Variants in STXBP5L observed in about 807,000 individuals in gnomAD.
STXBP5L encodes syntaxin-binding protein 5-like.
A neutral mutation model predicts 144.5 loss-of-function variants in STXBP5L; 65 were observed. That is an observed-to-expected ratio of 0.45 (90% CI 0.37 to 0.55). The LOEUF (loss-of-function observed/expected upper bound fraction) is 0.55. Ranked by LOEUF, STXBP5L falls within the 20% of genes least tolerant of loss-of-function variation. STXBP5L has a pLI of 0.00. For missense variants in STXBP5L, 1,298 were observed against 1,405.5 expected (o/e 0.92, Z 1.22); for synonymous variants, 505 against 469.6 (o/e 1.08, Z -0.97).
intron 20 of STXBP5L, among the ~76,000 whole-genome samples, chr3:121,372,714 A>AG (rs570515283): frequency 7.4e-4 from 111 of 150,506 alleles, no homozygotes; most frequent in African/African-American, 2.6e-3. Flanking sequence ...ATCTGATAGG[A>AG]GTGTGCCAGT....
intron 5 of STXBP5L, among the ~76,000 whole-genome samples, chr3:121,113,211 CT>C (rs1220615100): frequency 1.3e-5 from 2 of 152,018 alleles, no homozygotes; most frequent in East Asian, 1.9e-4. Flanking sequence ...TTGAGGTTTG[CT>C]TTTTTTCTAC....
intron 23 of STXBP5L, among the ~76,000 whole-genome samples, chr3:121,409,269 T>C (rs2047064248): frequency 2.0e-5 from 3 of 151,818 alleles, no homozygotes; most frequent in South Asian, 2.1e-4. Context: ...GCAAAGGAGA[T>C]TGAGAAGTTA....
chr3:121,075,267 T>G (rs887582337), intron 5 of STXBP5L, among the ~76,000 whole-genome samples: 1 of 152,100 alleles, frequency 6.6e-6, no homozygotes, highest in Non-Finnish European at 1.5e-5. Context: ...TTTCACACAT[T>G]GATCTTTCTC....
rs187114755 is a variant in STXBP5L at position 121,111,713 on chromosome 3, A to C, written c.471-3212A>C. 4.7e-4 allele frequency among the ~76,000 whole-genome samples: 72 copies of C among 152,326 alleles called. No homozygotes were observed. The East Asian group carries it at 0.012, about 25-fold the overall frequency. ...TCACCCAGTCAAGAGGCATGGGATC[A>C]GGAATCCACTTAACGAAGCACTCTG... On this transcript the variant is annotated intron_variant, in intron 5 of 26. Coordinates refer to ENST00000471454, the MANE Select transcript of STXBP5L (RefSeq NM_001308330.2).
intron 23 of STXBP5L, among the ~76,000 whole-genome samples, chr3:121,412,761 G>GAAAA (rs11441738): frequency 9.8e-6 from 1 of 102,554 alleles, no homozygotes; most frequent in African/African-American, 3.5e-5. Context: ...AAAAGAAAAA[G>GAAAA]AAAAAAAGAA....
chr3:121,173,855 T>A (rs543592215), intron 9 of STXBP5L, among the ~76,000 whole-genome samples: 4 of 151,788 alleles, frequency 2.6e-5, no homozygotes, highest in South Asian at 2.1e-4. Flanking sequence ...GTCATGACTT[T>A]TTTCTGCTTG....
At chr3:120,978,985 G>C (rs1339230700) in intron 3 of STXBP5L, among the ~76,000 whole-genome samples, 5 of 152,142 alleles carry the variant, frequency 3.3e-5, no homozygotes, top group Non-Finnish European at 7.4e-5. Flanking sequence ...ATGCTGCTTG[G>C]GGGTCAGGGG....
At chr3:121,065,403 C>A (rs1003857433) in intron 5 of STXBP5L, among the ~76,000 whole-genome samples, 1 of 152,050 alleles carries the variant, frequency 6.6e-6, no homozygotes, top group Non-Finnish European at 1.5e-5. Flanking sequence ...TATAAACACA[C>A]ACACATGTCT....
At chr3:120,937,519 T>C (rs1210650443) in intron 2 of STXBP5L, among the ~76,000 whole-genome samples, 1 of 152,174 alleles carries the variant, frequency 6.6e-6, no homozygotes, top group Non-Finnish European at 1.5e-5. Flanking sequence ...TGTCCTTAGG[T>C]TTCTGCTCAG....
At chr3:121,349,435 T>G (rs577772991) in intron 20 of STXBP5L, among the ~76,000 whole-genome samples, 1 of 152,028 alleles carries the variant, frequency 6.6e-6, no homozygotes, top group African/African-American at 2.4e-5. Context: ...GTATATTCTG[T>G]TGATTTGGGG....
chr3:121,201,311 G>C (rs781277086), intron 9 of STXBP5L, among the ~76,000 whole-genome samples: 1 of 152,132 alleles, frequency 6.6e-6, no homozygotes, highest in Non-Finnish European at 1.5e-5. Context: ...TTTAAAGTCT[G>C]TTTTATCAGA....
chr3:120,960,599 G>A (rs1043882033), intron 3 of STXBP5L, among the ~76,000 whole-genome samples: 1 of 152,162 alleles, frequency 6.6e-6, no homozygotes, highest in Non-Finnish European at 1.5e-5. Context: ...ATGAGTTCAT[G>A]TCCTTTGTAG....
chr3:121,164,015 G>A (rs959815474), intron 9 of STXBP5L, among the ~76,000 whole-genome samples: 14 of 152,026 alleles, frequency 9.2e-5, no homozygotes, highest in Non-Finnish European at 1.5e-5. Flanking sequence ...ATTCATAGTT[G>A]TGCAGTCATC....
intron 5 of STXBP5L, among the ~76,000 whole-genome samples, chr3:121,108,236 C>T (rs1185479880): frequency 6.6e-6 from 1 of 152,176 alleles, no homozygotes; most frequent in Non-Finnish European, 1.5e-5. Context: ...CTGGCCAGAA[C>T]TCCCAATACT....
At chr3:121,239,864 TAAATAAAATA>T (rs760850366) in intron 13 of STXBP5L, among the ~76,000 whole-genome samples, 1 of 151,422 alleles carries the variant, frequency 6.6e-6, no homozygotes, top group Non-Finnish European at 1.5e-5. Flanking sequence ...ATAATAATAA[TAAATAAAATA>T]AAATAAAATA....
Position 121,157,559 on chromosome 3 carries a change from C to T in STXBP5L, c.809C>T (p.Ser270Leu). The T allele has an allele frequency of 6.2e-7, 1 of 1,605,496 alleles. No homozygotes were observed. The highest frequency in any genetic ancestry group is 8.5e-7 in the Non-Finnish European group (1 of 1,176,742). Residue 270 changes from serine to leucine, a missense_variant, in exon 9 of 27, where the codon TCA (serine) becomes TTA (leucine). Coordinates refer to ENST00000471454, the MANE Select transcript of STXBP5L (RefSeq NM_001308330.2). ...HEGKQFMCSH[S>L]DGSLTLWNLK... ...GGCAAACAGTTCATGTGCAGCCATT[C>T]AGATGGTAGTTTGACTTTATGGAAC...
chr3:121,362,519 C>T (rs368231064), intron 20 of STXBP5L, among the ~76,000 whole-genome samples: 44 of 152,098 alleles, frequency 2.9e-4, no homozygotes, highest in African/African-American at 1.0e-3. Context: ...GCCACCACCC[C>T]AGGCCATGAG....
At chr3:120,993,059 A>C (rs1943055734) in intron 3 of STXBP5L, among the ~76,000 whole-genome samples, 1 of 152,028 alleles carries the variant, frequency 6.6e-6, no homozygotes, top group African/African-American at 2.4e-5. Flanking sequence ...TAGTGATGTT[A>C]AGCATTTTTC....
intron 19 of STXBP5L, among the ~76,000 whole-genome samples, chr3:121,291,133 T>C (rs1370279947): frequency 1.3e-5 from 2 of 152,206 alleles, no homozygotes; most frequent in South Asian, 2.1e-4. Context: ...AATGATAAGA[T>C]TGTATGCCTA....
Sources: allele counts gnomAD v4.1 joint callset (sites outside exome capture counted in the v4.1 genomes callset), GRCh38; gene constraint gnomAD v4.1.1; transcripts MANE v1.5; gene names NCBI Gene and HGNC (gene_info 2026-07-23, HGNC 2026-07-21).